Variants in SEMA5A observed in about 807,000 individuals in gnomAD.
SEMA5A encodes semaphorin-5A.
Under a neutral mutation model 135.5 loss-of-function variants are expected in SEMA5A, and 55 were observed. That is an observed-to-expected ratio of 0.41 (90% CI 0.33 to 0.51). The LOEUF is 0.51. Ranked by LOEUF, SEMA5A falls within the 20% of genes least tolerant of loss-of-function variation. SEMA5A has a pLI of 0.37. For missense variants in SEMA5A, 1,290 were observed against 1,419.9 expected (o/e 0.91, Z 1.47); for synonymous variants, 580 against 546.5 (o/e 1.06, Z -0.85).
At chr5:9,537,659 A>T (rs1737843171) in intron 1 of SEMA5A, among the ~76,000 whole-genome samples, 1 of 152,230 alleles carries the variant, frequency 6.6e-6, no homozygotes, top group Non-Finnish European at 1.5e-5. Context: ...GTTTGGAAAG[A>T]GGCAAGTTCA....
intron 1 of SEMA5A, among the ~76,000 whole-genome samples, chr5:9,482,477 G>A (rs994025770): frequency 6.6e-6 from 1 of 152,100 alleles, no homozygotes; most frequent in African/African-American, 2.4e-5. Flanking sequence ...AGTGGAAGGT[G>A]GGAGGAAAAA....
At chr5:9,462,171 G>A (rs1210443306) in intron 1 of SEMA5A, among the ~76,000 whole-genome samples, 2 of 152,034 alleles carry the variant, frequency 1.3e-5, no homozygotes, top group Non-Finnish European at 2.9e-5. Flanking sequence ...CCTCTTACAT[G>A]AGCACACTTT....
intron 13 of SEMA5A, among the ~76,000 whole-genome samples, chr5:9,133,570 A>G (rs13359124): frequency 0.1 from 15,317 of 152,172 alleles, 1,407 homozygotes; most frequent in East Asian, 0.3. Flanking sequence ...AGAGCCAGAT[A>G]TCACATCTCA....
chr5:9,344,194 A>G (rs1180624846), intron 3 of SEMA5A, among the ~76,000 whole-genome samples: 1 of 152,206 alleles, frequency 6.6e-6, no homozygotes, highest in Non-Finnish European at 1.5e-5. Context: ...AACTATTTTT[A>G]TGTTTATAAT....
At chr5:9,524,004 C>A (rs2126877540) in intron 1 of SEMA5A, among the ~76,000 whole-genome samples, 1 of 152,304 alleles carries the variant, frequency 6.6e-6, no homozygotes, top group African/African-American at 2.4e-5. Context: ...AAATCATAAT[C>A]CCCACATGTT....
At chr5:9,162,564 G>GTGTGTGTATATA (rs1331354641) in intron 11 of SEMA5A, among the ~76,000 whole-genome samples, 3 of 84,056 alleles carry the variant, frequency 3.6e-5, no homozygotes, top group African/African-American at 1.2e-4. Context: ...GTGTGTGTGT[G>GTGTGTGTATATA]TATATATATA....
chr5:9,415,392 G>C (rs1300391227), intron 2 of SEMA5A, among the ~76,000 whole-genome samples: 3 of 152,070 alleles, frequency 2.0e-5, no homozygotes, highest in African/African-American at 7.2e-5. Context: ...TTGGGGCCTT[G>C]GGGACGTAAA....
chr5:9,075,610 A>G (rs1738010495), intron 16 of SEMA5A, among the ~76,000 whole-genome samples: 1 of 151,488 alleles, frequency 6.6e-6, no homozygotes. Context: ...ATTAGGGAAT[A>G]TGAAAACTAA....
At chr5:9,225,701 A>ACTTT (rs924081407) in intron 7 of SEMA5A, among the ~76,000 whole-genome samples, 22 of 152,092 alleles carry the variant, frequency 1.4e-4, no homozygotes, top group African/African-American at 5.3e-4. Flanking sequence ...CATTTCCAAC[A>ACTTT]CTTTCTTTCT....
At chr5:9,386,260 G>A (rs1755883111) in intron 2 of SEMA5A, among the ~76,000 whole-genome samples, 1 of 152,118 alleles carries the variant, frequency 6.6e-6, no homozygotes, top group East Asian at 1.9e-4. Flanking sequence ...CAACCCCGAA[G>A]CCATGCCCTA....
chr5:9,325,390 CA>C lies in SEMA5A; in HGVS notation c.225-6974del, dbSNP rs748618425. Among the ~76,000 whole-genome samples the C allele has an allele frequency of 4.7e-4, 71 of 152,290 alleles. No individual in the cohort carries two copies. In the Middle Eastern group the frequency reaches 0.014, roughly 29 times the overall value. ...CAAATCACAAAGCTATTAAGTTTGGCAGATGCAAAATCACAATATTGAAGCC... is the reference window on the plus strand; with the variant it reads ...CAAATCACAAAGCTATTAAGTTTGGCGATGCAAAATCACAATATTGAAGCC... On this transcript the variant is annotated intron_variant, in intron 4 of 22. Transcript: ENST00000382496.
intron 5 of SEMA5A, among the ~76,000 whole-genome samples, chr5:9,245,033 G>T (rs1240691995): frequency 6.6e-6 from 1 of 152,148 alleles, no homozygotes; most frequent in African/African-American, 2.4e-5. Context: ...GATAAAAGTG[G>T]TATAGTATTC....
chr5:9,197,554 C>T (rs1225619512), intron 9 of SEMA5A, among the ~76,000 whole-genome samples: 1 of 152,188 alleles, frequency 6.6e-6, no homozygotes, highest in Admixed American at 6.5e-5. Context: ...GATTAATTCA[C>T]TCAGTTGCAA....
At chr5:9,537,851 G>A (rs1737852183) in intron 1 of SEMA5A, among the ~76,000 whole-genome samples, 1 of 152,198 alleles carries the variant, frequency 6.6e-6, no homozygotes, top group Non-Finnish European at 1.5e-5. Context: ...TATTACCAGT[G>A]GAGAAATGCA....
chr5:9,350,986 G>A (rs1754088307), intron 3 of SEMA5A, among the ~76,000 whole-genome samples: 1 of 152,182 alleles, frequency 6.6e-6, no homozygotes, highest in Admixed American at 6.5e-5. Flanking sequence ...CTCTTGTGAT[G>A]ATAAGCACAG....
In SEMA5A at chr5:9,488,316, C is replaced by CA. The variant is rs545683395; in HGVS notation, c.-174-50465dup. Among the ~76,000 whole-genome samples the CA allele has an allele frequency of 1.4e-4, 22 of 152,270 alleles. No homozygotes were observed. In the East Asian group the frequency reaches 3.5e-3, roughly 24 times the overall value. ...CTACACATGAACCCAGATGAAGTCT[C>CA]AGAGGAACCACACTCCTAGATCTCA... is the stretch of plus-strand genomic sequence containing the variant. On this transcript the variant is annotated intron_variant, in intron 1 of 22. Coordinates refer to ENST00000382496, the MANE Select transcript of SEMA5A (RefSeq NM_003966.3).
At chr5:9,058,722 T>C (rs1737025068) in intron 18 of SEMA5A, among the ~76,000 whole-genome samples, 2 of 152,198 alleles carry the variant, frequency 1.3e-5, no homozygotes, top group Non-Finnish European at 2.9e-5. Flanking sequence ...ACAGGCTTCC[T>C]GTGTGTGATC....
chr5:9,125,404 G>T (rs922318207), intron 13 of SEMA5A, among the ~76,000 whole-genome samples: 1 of 152,156 alleles, frequency 6.6e-6, no homozygotes, highest in African/African-American at 2.4e-5. Flanking sequence ...GTATACATGT[G>T]CCATGGTGGT....
At chr5:9,115,121 G>T (rs1027233304) in intron 15 of SEMA5A, among the ~76,000 whole-genome samples, 3 of 152,138 alleles carry the variant, frequency 2.0e-5, no homozygotes, top group African/African-American at 7.2e-5. Context: ...TCCATTGAAG[G>T]CCCATAATGT....
Sources: gnomAD v4.1 joint callset for allele counts (sites outside exome capture counted in the v4.1 genomes callset) on GRCh38, gnomAD v4.1.1 for gene constraint, MANE v1.5 for transcripts, NCBI Gene and HGNC (gene_info 2026-07-23, HGNC 2026-07-21) for gene names.